The following DAAM1 variants were observed in gnomAD, a reference collection of about 807,000 sequenced individuals.
DAAM1 encodes the protein disheveled-associated activator of morphogenesis 1.
Under a neutral mutation model 130.0 loss-of-function variants are expected in DAAM1, and 52 were observed. The ratio of observed to expected loss-of-function variants is 0.40; its 90% CI spans 0.32 to 0.50. The LOEUF is 0.50. Among genes scored for constraint, DAAM1 ranks in the 20% least tolerant of loss-of-function variants. The pLI is 0.61. For missense variants in DAAM1, 1,134 were observed against 1,303.8 expected (o/e 0.87, Z 2.01); for synonymous variants, 452 against 444.5 (o/e 1.02, Z -0.21).
At chr14:59,282,854 T>C (rs1224338556) in intron 2 of DAAM1, among the ~76,000 whole-genome samples, 1 of 152,198 alleles carries the variant, frequency 6.6e-6, no homozygotes, top group Non-Finnish European at 1.5e-5. Context: ...CTATTAGCAG[T>C]ACCCATTTAT....
At chr14:59,366,524 A>G (rs1417449959) in intron 23 of DAAM1, among the ~76,000 whole-genome samples, 1 of 152,130 alleles carries the variant, frequency 6.6e-6, no homozygotes, top group Non-Finnish European at 1.5e-5. Context: ...CCCCCTGCTG[A>G]GTTTGCTATT....
chr14:59,268,199 C>T (rs947147835), intron 2 of DAAM1, among the ~76,000 whole-genome samples: 2 of 152,150 alleles, frequency 1.3e-5, no homozygotes, highest in South Asian at 2.1e-4. Flanking sequence ...CCGCGCCCGG[C>T]GCCTGCCACA....
At chr14:59,205,132 A>T (rs1220487237) in intron 1 of DAAM1, among the ~76,000 whole-genome samples, 1 of 152,234 alleles carries the variant, frequency 6.6e-6, no homozygotes, top group Non-Finnish European at 1.5e-5. Context: ...AATTTTCCAC[A>T]GTCTGGAACT....
chr14:59,296,779 T>A (rs1010462392), intron 3 of DAAM1, among the ~76,000 whole-genome samples: 5 of 152,214 alleles, frequency 3.3e-5, no homozygotes, highest in African/African-American at 9.7e-5. Context: ...CTTTCCTCTT[T>A]GATTTCTATT....
At chr14:59,285,650 A>G in intron 2 of DAAM1, among the ~76,000 whole-genome samples, 1 of 152,214 alleles carries the variant, frequency 6.6e-6, no homozygotes, top group Non-Finnish European at 1.5e-5. Context: ...CAGATTTTAA[A>G]CCAACAATGA....
chr14:59,256,289 A>G (rs1041006104), intron 1 of DAAM1, among the ~76,000 whole-genome samples: 1 of 152,158 alleles, frequency 6.6e-6, no homozygotes. Flanking sequence ...TTGTTCTCCA[A>G]TGTTTTATCA....
chr14:59,283,448 C>G (rs756786641), intron 2 of DAAM1, among the ~76,000 whole-genome samples: 2 of 152,186 alleles, frequency 1.3e-5, no homozygotes, highest in Non-Finnish European at 2.9e-5. Flanking sequence ...CATTGCTTCT[C>G]TGGTTGTTCA....
At chr14:59,290,672 C>G (rs921305388) in intron 2 of DAAM1, among the ~76,000 whole-genome samples, 1 of 152,184 alleles carries the variant, frequency 6.6e-6, no homozygotes, top group Non-Finnish European at 1.5e-5. Flanking sequence ...ACCTCTCCAG[C>G]CTTTAAACTG....
intron 23 of DAAM1, among the ~76,000 whole-genome samples, chr14:59,365,003 T>C (rs1030303575): frequency 6.6e-6 from 1 of 152,202 alleles, no homozygotes; most frequent in Non-Finnish European, 1.5e-5. Flanking sequence ...TGTTCTGATA[T>C]CCCACCTGAG....
intron 5 of DAAM1, 70 bp downstream of exon 5, chr14:59,320,654 C>T (rs1397343851): frequency 2.7e-6 from 3 of 1,128,316 alleles, no homozygotes; most frequent in East Asian, 5.1e-5. Flanking sequence ...ATAGTCAAAC[C>T]TTCTAGGAAG....
chr14:59,230,556 A>T (rs1889074179), intron 1 of DAAM1, among the ~76,000 whole-genome samples: 1 of 152,106 alleles, frequency 6.6e-6, no homozygotes. Flanking sequence ...GAACTCATGG[A>T]CTTAGAAAGT....
chr14:59,318,511 C>A (rs1884879199), intron 4 of DAAM1, among the ~76,000 whole-genome samples: 1 of 150,680 alleles, frequency 6.6e-6, no homozygotes, highest in Non-Finnish European at 1.5e-5. Flanking sequence ...TAGTAATCAT[C>A]TTCAGAAATC....
intron 23 of DAAM1, among the ~76,000 whole-genome samples, chr14:59,365,387 A>C (rs1285338823): frequency 1.3e-5 from 2 of 152,188 alleles, no homozygotes; most frequent in Non-Finnish European, 2.9e-5. Context: ...ATAAGTTAGC[A>C]TATAAAACCA....
At chr14:59,344,762 T>C (rs1173362003) in intron 16 of DAAM1, among the ~76,000 whole-genome samples, 1 of 152,174 alleles carries the variant, frequency 6.6e-6, no homozygotes, top group East Asian at 1.9e-4. Flanking sequence ...AGCATAAATA[T>C]ATACAATTTC....
chr14:59,269,171 C>G (rs1030019974), intron 2 of DAAM1, among the ~76,000 whole-genome samples: 1 of 152,184 alleles, frequency 6.6e-6, no homozygotes, highest in Non-Finnish European at 1.5e-5. Flanking sequence ...AAAAGACAGG[C>G]AACTAAATGT....
rs373338454 is a variant in DAAM1 at position 59,331,855 on chromosome 14, A to G, written c.1903A>G (p.Lys635Glu). 6.2e-7 allele frequency: 1 copy of G among 1,614,040 alleles called. No homozygotes were observed. Among genetic ancestry groups the G allele is most frequent in the African/African-American group, 1.3e-5 (1 of 74,930 alleles). The change falls in exon 15 of 25, where the codon AAA becomes GAA. Residue 635 changes from lysine to glutamate, a missense_variant. Lys to Glu is a moderately conservative substitution (Grantham distance 56, BLOSUM62 1). Around this residue, in one of 3 missense-constraint regions of DAAM1, gnomAD observed 644 missense variants for 695.9 expected, o/e 0.93. Coordinates refer to ENST00000360909, the MANE Select transcript of DAAM1 (RefSeq NM_001270520.2). ...AGTATGGACCGAAATTGATGATACA[A>G]AAGTCTTCAAAATTCTAGATCTTGA... ...GTVWTEIDDTKVFKILDLEDL... is the reference protein window; with the variant it reads ...GTVWTEIDDTEVFKILDLEDL...
chr14:59,322,105 T>C (rs1885033687), intron 5 of DAAM1, among the ~76,000 whole-genome samples: 1 of 152,156 alleles, frequency 6.6e-6, no homozygotes, highest in Admixed American at 6.5e-5. Context: ...ACCTTAGGGA[T>C]GTAGATTATC....
chr14:59,257,891 G>A (rs943396302), intron 1 of DAAM1, among the ~76,000 whole-genome samples: 1 of 152,046 alleles, frequency 6.6e-6, no homozygotes, highest in African/African-American at 2.4e-5. Context: ...ACTTTGCAGG[G>A]CTGGTCCCAT....
intron 17 of DAAM1, among the ~76,000 whole-genome samples, chr14:59,350,855 T>A (rs1296709068): frequency 1.3e-5 from 2 of 152,138 alleles, no homozygotes; most frequent in Non-Finnish European, 2.9e-5. Context: ...TCAGCCCTGC[T>A]TTTTTTCTCT....
Sources: gnomAD v4.1 joint callset for allele counts (sites outside exome capture counted in the v4.1 genomes callset) on GRCh38, gnomAD v4.1.1 for gene constraint, gnomAD v4.1.1 regional missense constraint, MANE v1.5 for transcripts, NCBI Gene and HGNC (gene_info 2026-07-23, HGNC 2026-07-21) for gene names.